Variants in TMTC2 observed in about 807,000 individuals in gnomAD.
TMTC2 encodes the protein transmembrane O-mannosyltransferase targeting cadherins 2.
In TMTC2, 43 loss-of-function variants were observed where a neutral mutation model predicts 82.4. That is an observed-to-expected ratio of 0.52 (90% CI 0.41 to 0.67). The LOEUF (loss-of-function observed/expected upper bound fraction) is 0.67, where lower values mean the gene tolerates loss of function less well. Ranked by LOEUF, TMTC2 falls within the 30% of genes least tolerant of loss-of-function variation. TMTC2 has a pLI of 0.00. For missense variants in TMTC2, 919 were observed against 1,012.4 expected (o/e 0.91, Z 1.25); for synonymous variants, 408 against 381.9 (o/e 1.07, Z -0.80).
intron 1 of TMTC2, among the ~76,000 whole-genome samples, chr12:82,749,395 G>A (rs1875860091): frequency 2.0e-5 from 3 of 152,144 alleles, no homozygotes; most frequent in African/African-American, 4.8e-5. Flanking sequence ...CATTCTCATG[G>A]GAGACATGGG....
chr12:82,703,498 C>CTT (rs539968079), intron 1 of TMTC2, among the ~76,000 whole-genome samples: 11 of 121,662 alleles, frequency 9.0e-5, no homozygotes, highest in East Asian at 2.7e-4. Flanking sequence ...TAGTTTCTTT[C>CTT]TTTTTTTTTT....
At chr12:82,962,090 G>A (rs567539299) in intron 4 of TMTC2, among the ~76,000 whole-genome samples, 21 of 152,072 alleles carry the variant, frequency 1.4e-4, no homozygotes, top group African/African-American at 4.3e-4. Context: ...ACAAGAATAA[G>A]GCAGGCAGAA....
intron 8 of TMTC2, among the ~76,000 whole-genome samples, chr12:82,995,622 A>AT (rs1299012623): frequency 6.6e-6 from 1 of 152,014 alleles, no homozygotes; most frequent in Non-Finnish European, 1.5e-5. Context: ...TCAGCTTCAC[A>AT]TTTTTCCCAA....
Position 82,986,046 on chromosome 12 carries a change from A to C in TMTC2, c.2070A>C (p.Thr690=). Reference sequence around the variant, plus strand: ...CCTATGGGAAGCTGCTAGCTCTAACAGTGAGTAACCGCCTTCCTTGGTCTT... The same window carrying C: ...CCTATGGGAAGCTGCTAGCTCTAACCGTGAGTAACCGCCTTCCTTGGTCTT... ...HLTYGKLLAL[T]GRKSEAEKLF... The change falls in exon 8 of 12, where the codon ACA becomes ACC. Residue 690 remains threonine (T), a splice_region_variant and synonymous_variant. Coordinates refer to ENST00000321196, the MANE Select transcript of TMTC2 (RefSeq NM_152588.3). 1.2e-6 allele frequency: 2 copies of C among 1,613,942 alleles called. No individual in the cohort carries two copies. The highest frequency in any genetic ancestry group is 8.5e-7 in the Non-Finnish European group (1 of 1,179,892).
intron 1 of TMTC2, among the ~76,000 whole-genome samples, chr12:82,834,933 G>A (rs567876841): frequency 2.0e-5 from 3 of 151,206 alleles, no homozygotes; most frequent in South Asian, 2.1e-4. Flanking sequence ...GCTGGAGTGC[G>A]GTGGTGCTAT....
intron 1 of TMTC2, among the ~76,000 whole-genome samples, chr12:82,701,010 G>A (rs1431097872): frequency 6.6e-6 from 1 of 152,074 alleles, no homozygotes; most frequent in Non-Finnish European, 1.5e-5. Flanking sequence ...CATGAGAACA[G>A]CATGGGAAAA....
intron 1 of TMTC2, among the ~76,000 whole-genome samples, chr12:82,722,048 A>T (rs1220122859): frequency 1.3e-5 from 2 of 152,146 alleles, no homozygotes; most frequent in African/African-American, 4.8e-5. Context: ...CTTCTGGAAG[A>T]ACTGTAAGGT....
At chr12:82,853,278 T>A (rs1171788626) in intron 1 of TMTC2, among the ~76,000 whole-genome samples, 1 of 152,098 alleles carries the variant, frequency 6.6e-6, no homozygotes, top group African/African-American at 2.4e-5. Flanking sequence ...AATTTTTGTA[T>A]TTTTAGTAGA....
Position 83,132,361 on chromosome 12 carries a change from A to G in TMTC2, c.2483A>G (p.Lys828Arg). 1.2e-6 allele frequency: 2 copies of G among 1,614,088 alleles called. No individual in the cohort carries two copies. The highest frequency in any genetic ancestry group is 1.7e-6 in the Non-Finnish European group (2 of 1,179,984). The change falls in exon 12 of 12, where the codon AAA becomes AGA. Residue 828 changes from lysine to arginine, a missense_variant. By Grantham distance (26) the Lys-to-Arg change is conservative (BLOSUM62 2). Coordinates refer to ENST00000321196, the MANE Select transcript of TMTC2 (RefSeq NM_152588.3). ...CGCAAACTGTGGAACATCATGGAAA[A>G]ACAAGGCTTAAAGACTTCTAAGACC... Reference protein sequence around the residue: ...NLRKLWNIMEKQGLKTSKT With the variant: ...NLRKLWNIMERQGLKTSKT
intron 2 of TMTC2, among the ~76,000 whole-genome samples, chr12:82,872,222 A>C (rs939048723): frequency 6.6e-6 from 1 of 152,132 alleles, no homozygotes; most frequent in Non-Finnish European, 1.5e-5. Flanking sequence ...ATGGGCATTG[A>C]GATCTTGGTA....
intron 11 of TMTC2, among the ~76,000 whole-genome samples, chr12:83,104,596 G>A (rs553143036): frequency 7.9e-5 from 12 of 152,208 alleles, no homozygotes; most frequent in Non-Finnish European, 1.6e-4. Context: ...CAGGATGCAA[G>A]CAGCGGTCTC....
intron 7 of TMTC2, among the ~76,000 whole-genome samples, chr12:82,971,324 A>G (rs924510767): frequency 3.3e-5 from 5 of 152,148 alleles, no homozygotes; most frequent in African/African-American, 1.2e-4. Context: ...ATTAGCAAAA[A>G]TTAAATATAT....
chr12:82,959,756 T>C (rs1877819241), intron 4 of TMTC2, among the ~76,000 whole-genome samples: 1 of 152,060 alleles, frequency 6.6e-6, no homozygotes, highest in East Asian at 1.9e-4. Flanking sequence ...ATTCTGACCA[T>C]AAGCCTTGGG....
chr12:82,868,450 C>G lies in TMTC2; in HGVS notation c.654+10870C>G, dbSNP rs1019828136. Among the ~76,000 whole-genome samples, 3 of 152,168 alleles carry G rather than the reference C, an allele frequency of 2.0e-5. No individual in the cohort carries two copies. In the East Asian group the frequency reaches 5.8e-4, roughly 29 times the overall value. ...GTTTGATTGAGATTGATAACAAGTA[C>G]ATATGCCAGTTTTCCTCCATTGGTA... On this transcript the variant is annotated intron_variant, in intron 2 of 11. Transcript: ENST00000321196.
intron 2 of TMTC2, among the ~76,000 whole-genome samples, chr12:82,871,720 T>TGTGTGTGTGTG (rs1555192961): frequency 4.0e-5 from 6 of 150,816 alleles, no homozygotes; most frequent in African/African-American, 1.2e-4. Flanking sequence ...TGTGTGTGTG[T>TGTGTGTGTGTG]TTTAAGACCA....
At chr12:82,920,001 C>T (rs562360963) in intron 3 of TMTC2, among the ~76,000 whole-genome samples, 3 of 152,312 alleles carry the variant, frequency 2.0e-5, no homozygotes, top group African/African-American at 7.2e-5. Flanking sequence ...ACCCGTTATG[C>T]AGTTCCAAAG....
At position 82,687,280 on chromosome 12, in the gene TMTC2, A is replaced by G; in HGVS notation, c.-307A>G. 1 of 461,406 alleles carries G rather than the reference A, an allele frequency of 2.2e-6. No individual in the cohort carries two copies. The highest frequency in any genetic ancestry group is 4.0e-6 in the Non-Finnish European group (1 of 251,010). The allele number at this position is 461,406 out of a possible 1,614,324, so 28.6% of individuals were successfully genotyped here. A position where few individuals can be genotyped will look rare whatever the true frequency, so the allele number is the denominator to read the frequency against. ...TAGGGTGGGGATCGCGACCCGCGCGAAAGACCAGCCCTGCGCTTCCGCCGG... is the reference window on the plus strand; with the variant it reads ...TAGGGTGGGGATCGCGACCCGCGCGGAAGACCAGCCCTGCGCTTCCGCCGG... On this transcript the variant is annotated 5_prime_UTR_variant, in exon 1 of 12. Coordinates refer to ENST00000321196, the MANE Select transcript of TMTC2 (RefSeq NM_152588.3).
chr12:82,868,176 G>A (rs964516785), intron 2 of TMTC2, among the ~76,000 whole-genome samples: 1 of 152,056 alleles, frequency 6.6e-6, no homozygotes, highest in Non-Finnish European at 1.5e-5. Flanking sequence ...GCATTCTATG[G>A]CATTTTTGTA....
Position 82,866,752 on chromosome 12 carries a change from T to C in TMTC2, c.654+9172T>C, listed in dbSNP as rs1045149916. Among the ~76,000 whole-genome samples the C allele has an allele frequency of 6.6e-5, 10 of 152,204 alleles. 1 individual carries two copies. The highest frequency in any genetic ancestry group is 5.9e-4 in the Admixed American group (9 of 15,278). On this transcript the variant is annotated intron_variant, in intron 2 of 11. Transcript: ENST00000321196. The stretch of plus-strand genomic sequence containing the variant: ...TCATTACCTAGAAGTTCAGTTCCTA[T>C]CTTAAATGCTTAGAATGGTGGAAAT...
Sources: allele counts gnomAD v4.1 joint callset (sites outside exome capture counted in the v4.1 genomes callset), GRCh38; gene constraint gnomAD v4.1.1; transcripts MANE v1.5; gene names NCBI Gene and HGNC (gene_info 2026-07-23, HGNC 2026-07-21).